RANBP17: variants seen among roughly 807,000 people sequenced by gnomAD.
RANBP17 encodes the protein ran-binding protein 17.
RANBP17 carries 158 observed loss-of-function variants against 141.2 expected under a neutral mutation model. The observed-to-expected ratio is 1.12, with a 90% CI of 0.98 to 1.28. The LOEUF is 1.28. Among genes scored for constraint, RANBP17 ranks in the 50% most tolerant of loss-of-function variants. The probability of loss-of-function intolerance (pLI) is 0.00; values close to 1 mark genes in which losing one functional copy is unlikely to be tolerated. For synonymous variants in RANBP17, 430 were observed against 450.0 expected (o/e 0.96, Z 0.56); for missense variants, 1,438 against 1,290.7 (o/e 1.11, Z -1.75).
chr5:171,289,438 C>A (rs1768351019), intron 25 of RANBP17, among the ~76,000 whole-genome samples: 1 of 152,206 alleles, frequency 6.6e-6, no homozygotes, highest in Non-Finnish European at 1.5e-5. Context: ...GGAGACAGAA[C>A]AGACGGGGTT....
At chr5:171,148,888 G>C (rs1028299767) in intron 14 of RANBP17, among the ~76,000 whole-genome samples, 1 of 152,168 alleles carries the variant, frequency 6.6e-6, no homozygotes, top group African/African-American at 2.4e-5. Context: ...GATTAAATGA[G>C]ATAAAGTATA....
At chr5:170,920,493 A>C (rs1772353161) in intron 11 of RANBP17, among the ~76,000 whole-genome samples, 1 of 141,700 alleles carries the variant, frequency 7.1e-6, no homozygotes, top group African/African-American at 2.6e-5. Flanking sequence ...CCCATTTTTT[A>C]ATTGGGTTGT....
chr5:171,044,578 CATA>C (rs1460523146), intron 14 of RANBP17, among the ~76,000 whole-genome samples: 2 of 151,858 alleles, frequency 1.3e-5, no homozygotes, highest in Non-Finnish European at 2.9e-5. Flanking sequence ...CAAATTTACT[CATA>C]ATAAAAATAT....
At chr5:171,256,473 C>T (rs893606796) in intron 24 of RANBP17, among the ~76,000 whole-genome samples, 4 of 152,036 alleles carry the variant, frequency 2.6e-5, no homozygotes, top group Admixed American at 2.0e-4. Flanking sequence ...GGAAAGATTA[C>T]AAATTAACAA....
intron 14 of RANBP17, among the ~76,000 whole-genome samples, chr5:171,053,603 C>G (rs1299401133): frequency 6.6e-6 from 1 of 151,852 alleles, no homozygotes; most frequent in African/African-American, 2.4e-5. Context: ...CATTTATTAG[C>G]TGTAGTAGAT....
chr5:171,278,571 C>T (rs1292734568), intron 25 of RANBP17, among the ~76,000 whole-genome samples: 2 of 152,150 alleles, frequency 1.3e-5, no homozygotes, highest in African/African-American at 4.8e-5. Flanking sequence ...AACTCAAGAG[C>T]CATGAGGCAG....
At chr5:171,213,253 A>G (rs1763016576) in intron 20 of RANBP17, among the ~76,000 whole-genome samples, 1 of 152,196 alleles carries the variant, frequency 6.6e-6, no homozygotes, top group African/African-American at 2.4e-5. Flanking sequence ...TAATAACTCA[A>G]ATATATTTTT....
chr5:170,980,517 C>T (rs1777691469), intron 14 of RANBP17, among the ~76,000 whole-genome samples: 1 of 152,166 alleles, frequency 6.6e-6, no homozygotes, highest in African/African-American at 2.4e-5. Context: ...ACTTGGTGCC[C>T]TGTGTCGCAG....
chr5:171,293,652 C>T (rs1328476176), intron 25 of RANBP17, among the ~76,000 whole-genome samples: 1 of 152,208 alleles, frequency 6.6e-6, no homozygotes, highest in Non-Finnish European at 1.5e-5. Flanking sequence ...GGAATGTTCT[C>T]ACCAAGGCTT....
intron 14 of RANBP17, among the ~76,000 whole-genome samples, chr5:171,069,741 C>T (rs899017065): frequency 5.3e-5 from 8 of 152,096 alleles, no homozygotes; most frequent in African/African-American, 9.6e-5. Context: ...TAAGCTATGA[C>T]GTTTAGTAGT....
chr5:171,177,434 C>T (rs140823140), intron 16 of RANBP17, among the ~76,000 whole-genome samples: 4 of 152,246 alleles, frequency 2.6e-5, no homozygotes, highest in East Asian at 1.9e-4. Context: ...GTCCTTTGAC[C>T]GTACTTGACT....
At chr5:170,955,588 A>ATATATATATATGCTCAGTG (rs1561927735) in intron 13 of RANBP17, among the ~76,000 whole-genome samples, 1 of 74,886 alleles carries the variant, frequency 1.3e-5, no homozygotes, top group African/African-American at 5.9e-5. Context: ...GTGTGTATAT[A>ATATATATATATGCTCAGTG]TATATATATA....
chr5:170,955,654 ATATAT>A (rs1775622597), intron 13 of RANBP17, among the ~76,000 whole-genome samples: 1 of 37,408 alleles, frequency 2.7e-5, no homozygotes, highest in East Asian at 1.6e-3. Flanking sequence ...CAGTGTATAT[ATATAT>A]ATATATATAT....
chr5:171,162,318 C>T (rs1196722446), intron 14 of RANBP17, among the ~76,000 whole-genome samples: 3 of 152,190 alleles, frequency 2.0e-5, no homozygotes, highest in Non-Finnish European at 4.4e-5. Flanking sequence ...CAGCTGGTTG[C>T]ACCACAGGAG....
At chr5:170,962,299 G>A (rs1425868629) in intron 13 of RANBP17, among the ~76,000 whole-genome samples, 1 of 152,180 alleles carries the variant, frequency 6.6e-6, no homozygotes, top group Non-Finnish European at 1.5e-5. Flanking sequence ...TCTCTTGCTG[G>A]TGGGGATGTC....
intron 14 of RANBP17, among the ~76,000 whole-genome samples, chr5:171,117,435 G>C (rs1755714070): frequency 6.6e-6 from 1 of 152,168 alleles, no homozygotes; most frequent in Non-Finnish European, 1.5e-5. Context: ...AAATATGTTT[G>C]TTGGCCATTT....
At chr5:171,207,664 A>G (rs879500905) in intron 20 of RANBP17, 2 of 152,190 alleles carry the variant, frequency 1.3e-5, no homozygotes, top group East Asian at 1.9e-4. Flanking sequence ...GGCGTTGCTT[A>G]TAATAATTGA....
chr5:171,029,438 G>A (rs933954042), intron 14 of RANBP17, among the ~76,000 whole-genome samples: 1 of 151,770 alleles, frequency 6.6e-6, no homozygotes, highest in Non-Finnish European at 1.5e-5. Flanking sequence ...GATTATGTTT[G>A]TAGATGGCTT....
At chr5:170,943,605 A>G (rs745369321) in intron 12 of RANBP17, among the ~76,000 whole-genome samples, 1 of 152,134 alleles carries the variant, frequency 6.6e-6, no homozygotes, top group Non-Finnish European at 1.5e-5. Flanking sequence ...GGAAAATTAT[A>G]ATGGAAATTT....
Sources: allele counts gnomAD v4.1 joint callset (sites outside exome capture counted in the v4.1 genomes callset), GRCh38; gene constraint gnomAD v4.1.1; transcripts MANE v1.5; gene names NCBI Gene and HGNC (gene_info 2026-07-23, HGNC 2026-07-21).